PPIL1: variants seen among roughly 807,000 people sequenced by gnomAD.
PPIL1 encodes the protein peptidylprolyl isomerase like 1.
A neutral mutation model predicts 19.4 loss-of-function variants in PPIL1; 14 were observed. The observed-to-expected ratio is 0.72, with a 90% CI of 0.48 to 1.13. The LOEUF (loss-of-function observed/expected upper bound fraction) is 1.13. PPIL1 is among the 50% of genes most tolerant of loss of function. The pLI is 0.00. For synonymous variants in PPIL1, 72 were observed against 73.6 expected, an observed-to-expected ratio of 0.98 and a Z score of 0.11; for missense variants, 192 against 218.0, an observed-to-expected ratio of 0.88 and a Z score of 0.75.
chr6:36,872,531 T>C lies in PPIL1; in HGVS notation c.57-659A>G, dbSNP rs555875127. ...TTTCCTCACCAGTACTACTAAAAGA[T>C]AAGGAAGAGGCAAGAGAAAGGACGA... is the stretch of plus-strand genomic sequence containing the variant. On this transcript the variant is annotated intron_variant, in intron 1 of 3. Transcript: ENST00000373699. Among the ~76,000 whole-genome samples the C allele has an allele frequency of 9.2e-5, 14 of 152,188 alleles. No homozygotes were observed. The South Asian group carries it at 2.7e-3, about 29-fold the overall frequency.
chr6:36,872,394 A>G (rs1774530216), intron 1 of PPIL1, among the ~76,000 whole-genome samples: 1 of 152,164 alleles, frequency 6.6e-6, no homozygotes. Context: ...TACATTACCT[A>G]TTCAAAAAAT....
At position 36,856,651 on chromosome 6, in the gene PPIL1, C is replaced by T. The variant is rs781269670; in HGVS notation, c.215G>A (p.Arg72Gln). 3.1e-6 allele frequency: 5 copies of T among 1,613,950 alleles called. No homozygotes were observed. The South Asian group carries it at 4.4e-5, about 14-fold the overall frequency. ...IQGGDPTGTG[R>Q]GGASIYGKQF... ...TTTGCCATAGATAGATGCACCACCT[C>T]GACCTGCCCGATTGGAAGATGACAC... is the stretch of plus-strand genomic sequence containing the variant. Residue 72 changes from arginine to glutamine, a missense_variant, in exon 3 of 4, where the codon CGA (arginine) becomes CAA (glutamine). Arg to Gln is a conservative substitution (Grantham distance 43, BLOSUM62 1). Transcript: ENST00000373699.
intron 1 of PPIL1, among the ~76,000 whole-genome samples, chr6:36,873,483 T>C (rs1774563713): frequency 6.6e-6 from 1 of 152,376 alleles, no homozygotes; most frequent in Admixed American, 6.5e-5. Flanking sequence ...GAGAGGTTTA[T>C]ATGTACATAG....
At position 36,866,941 on chromosome 6, in the gene PPIL1, T is replaced by C. The variant is rs79103291; in HGVS notation, c.211+4777A>G. ...CCAGCAAATGAGACATGGGGTTTTA[T>C]TGGGGACTTACATACAGGGCAGAGA... On this transcript the variant is annotated intron_variant, in intron 2 of 3. Transcript: ENST00000373699. Among the ~76,000 whole-genome samples the C allele has an allele frequency of 0.023, 3,515 of 152,290 alleles. 227 individuals carry two copies. The East Asian group carries it at 0.26, about 11-fold the overall frequency.
chr6:36,858,505 C>T (rs1774213285), intron 2 of PPIL1: 1 of 152,298 alleles, frequency 6.6e-6, no homozygotes. Flanking sequence ...GCACCAAGTC[C>T]ACCCCCAAGG....
At chr6:36,863,569 T>G (rs953428927) in intron 2 of PPIL1, among the ~76,000 whole-genome samples, 1 of 152,188 alleles carries the variant, frequency 6.6e-6, no homozygotes, top group African/African-American at 2.4e-5. Flanking sequence ...ATATTTCCTA[T>G]TTTAAAAAGC....
At position 36,855,987 on chromosome 6, in the gene PPIL1, G is replaced by T; in HGVS notation, c.327C>A (p.Gly109=). The T allele has an allele frequency of 6.2e-7, 1 of 1,614,236 alleles. No homozygotes were observed. The highest frequency in any genetic ancestry group is 8.5e-7 in the Non-Finnish European group (1 of 1,180,036). Residue 109 remains glycine (G), a synonymous_variant, in exon 4 of 4, where the codon GGC becomes GGA. Transcript: ENST00000373699. ...AMANAGPDTN[G]SQFFVTLAPT... ...GGGCGAGGGTCACAAAGAACTGGCT[G>T]CCATTGGTATCTGGCCCCGCATTGG... is the stretch of plus-strand genomic sequence containing the variant.
In PPIL1 at chr6:36,856,031, C is replaced by T; in HGVS notation, c.283G>A (p.Ala95Thr). 1 of 1,613,868 alleles carries T rather than the reference C, an allele frequency of 6.2e-7. No homozygotes were observed. The highest frequency in any genetic ancestry group is 1.7e-5 in the Admixed American group (1 of 60,000). ...GCATTGGCCATTGCGAGAATTCCAG[C>T]CCCTGGTGGGAAAAAGGAAGAAAGG... ...ELHPDLKFTGAGILAMANAGP... is the reference protein window; with the variant it reads ...ELHPDLKFTGTGILAMANAGP... Residue 95 changes from alanine to threonine, a missense_variant and splice_region_variant, in exon 4 of 4, where the codon GCT (alanine) becomes ACT (threonine). Physicochemically the swap from Ala to Thr is moderately conservative, Grantham distance 58. Transcript: ENST00000373699.
At position 36,871,809 on chromosome 6, in the gene PPIL1, A is replaced by T. The variant is rs759116300; in HGVS notation, c.120T>A (p.Ala40=). Reference sequence around the variant, plus strand: ...TGTAGTAACCTCGACGAGCCAACTCAGCAAAGTTCTTACAGGTCTTTGGAG... The same window carrying T: ...TGTAGTAACCTCGACGAGCCAACTCTGCAAAGTTCTTACAGGTCTTTGGAG... The part of the protein sequence containing the change: ...KHAPKTCKNF[A]ELARRGYYNG... Residue 40 remains alanine, a synonymous_variant, in exon 2 of 4, where the codon GCT becomes GCA. Coordinates refer to ENST00000373699, the MANE Select transcript of PPIL1 (RefSeq NM_016059.5). The T allele has an allele frequency of 2.4e-5, 38 of 1,612,092 alleles. No individual in the cohort carries two copies. The South Asian group carries it at 3.9e-4, about 16-fold the overall frequency.
rs140127601 is a variant in PPIL1 at position 36,863,725 on chromosome 6, G to A, written c.212-7071C>T. 3.6e-3 allele frequency among the ~76,000 whole-genome samples: 540 copies of A among 151,954 alleles called. 2 individuals carry two copies. The highest frequency in any genetic ancestry group is 0.012 in the African/African-American group (500 of 41,400). On this transcript the variant is annotated intron_variant, in intron 2 of 3. Coordinates refer to ENST00000373699, the MANE Select transcript of PPIL1 (RefSeq NM_016059.5). ...TCAGACTTTCGCCCCTCACCGCTCC[G>A]CTGAAACTGCTCTTGTCAAGGTCGC...
At chr6:36,858,592 C>G (rs1774215325) in intron 2 of PPIL1, 1 of 152,226 alleles carries the variant, frequency 6.6e-6, no homozygotes, top group Non-Finnish European at 1.5e-5. Context: ...CACAGGGAGC[C>G]TGTCACAGCC....
At chr6:36,866,835 ACT>A (rs1361299431) in intron 2 of PPIL1, among the ~76,000 whole-genome samples, 4 of 152,058 alleles carry the variant, frequency 2.6e-5, no homozygotes, top group African/African-American at 4.8e-5. Flanking sequence ...GCAGGACTAG[ACT>A]CTGCCTCCCT....
intron 2 of PPIL1, among the ~76,000 whole-genome samples, chr6:36,870,866 C>T (rs1460748551): frequency 6.6e-6 from 1 of 152,170 alleles, no homozygotes; most frequent in African/African-American, 2.4e-5. Context: ...TCAAATGATC[C>T]AACTGCCTCG....
At chr6:36,857,869 T>C (rs1457063529) in intron 2 of PPIL1, among the ~76,000 whole-genome samples, 2 of 152,216 alleles carry the variant, frequency 1.3e-5, no homozygotes, top group Non-Finnish European at 2.9e-5. Flanking sequence ...ATTTATATTA[T>C]GCCCACAAGA....
rs1472924313 is a variant in PPIL1, at chr6:36,856,490, A to G, written c.280+96T>C. Reference sequence around the variant, plus strand: ...CATGGCTGGGCAGCTATCTGGCACCATGCCACGGTGTCAGGCATTCACCTT... The same window carrying G: ...CATGGCTGGGCAGCTATCTGGCACCGTGCCACGGTGTCAGGCATTCACCTT... On this transcript the variant is annotated intron_variant, in intron 3 of 3. Transcript: ENST00000373699. 3 of 1,143,040 alleles carry G rather than the reference A, an allele frequency of 2.6e-6. No individual in the cohort carries two copies. The African/African-American group carries it at 4.5e-5, about 17-fold the overall frequency. 70.8% of individuals were successfully genotyped at this position (1,143,040 alleles called of 1,614,324 possible). A position where few individuals can be genotyped will look rare whatever the true frequency, so the allele number is the denominator to read the frequency against.
rs539014681 is a variant in PPIL1 at position 36,856,661 on chromosome 6, G to T, written c.212-7C>A. On this transcript the variant is annotated splice_region_variant and splice_polypyrimidine_tract_variant and intron_variant, in intron 2 of 3. Coordinates refer to ENST00000373699, the MANE Select transcript of PPIL1 (RefSeq NM_016059.5). ...ATAGATGCACCACCTCGACCTGCCC[G>T]ATTGGAAGATGACACATGAATCAGC... The T allele has an allele frequency of 1.7e-5, 27 of 1,613,172 alleles. No individual in the cohort carries two copies. In the Admixed American group the frequency reaches 3.5e-4, roughly 21 times the overall value.
intron 2 of PPIL1, 34 bp downstream of exon 2, chr6:36,871,684 A>G: frequency 6.4e-7 from 1 of 1,561,846 alleles, no homozygotes; most frequent in Non-Finnish European, 8.6e-7. Context: ...AGAAAAAAAA[A>G]AGAAAACATA....
At chr6:36,856,706 A>T in intron 2 of PPIL1, 52 bp from the exon 3 acceptor site, 1 of 1,345,214 alleles carries the variant, frequency 7.4e-7, no homozygotes, top group Non-Finnish European at 1.1e-6. Flanking sequence ...ATTCTATCTC[A>T]CAGCAAGAAT....
At chr6:36,864,020 A>G (rs909609788) in intron 2 of PPIL1, among the ~76,000 whole-genome samples, 12 of 151,856 alleles carry the variant, frequency 7.9e-5, no homozygotes, top group African/African-American at 2.9e-4. Flanking sequence ...GTGTTACCCA[A>G]TAAACCTCTA....
Sources: gnomAD v4.1 joint callset for allele counts (sites outside exome capture counted in the v4.1 genomes callset) on GRCh38, gnomAD v4.1.1 for gene constraint, MANE v1.5 for transcripts, NCBI Gene and HGNC (gene_info 2026-07-23, HGNC 2026-07-21) for gene names.